The following ARMH3 variants were observed in gnomAD, a reference collection of about 807,000 sequenced individuals.
ARMH3 encodes armadillo-like helical domain-containing protein 3.
ARMH3 carries 60 observed loss-of-function variants against 99.1 expected under a neutral mutation model. That is an observed-to-expected ratio of 0.61 (90% confidence interval 0.49 to 0.75). ARMH3 has a LOEUF of 0.75. Among genes scored for constraint, ARMH3 ranks in the 30% least tolerant of loss-of-function variants. ARMH3 has a pLI of 0.00. For missense variants in ARMH3, 679 were observed against 843.1 expected (o/e 0.81, Z 2.41); for synonymous variants, 285 against 292.8 (o/e 0.97, Z 0.27).
chr10:102,021,704 C>A (rs918509568), intron 8 of ARMH3, among the ~76,000 whole-genome samples: 2 of 152,212 alleles, frequency 1.3e-5, no homozygotes, highest in Admixed American at 6.5e-5. Flanking sequence ...CCCGCCACTA[C>A]GCCCGGCTAA....
At chr10:101,980,541 C>T (rs1056875441) in intron 19 of ARMH3, among the ~76,000 whole-genome samples, 7 of 152,086 alleles carry the variant, frequency 4.6e-5, no homozygotes, top group East Asian at 3.9e-4. Context: ...TCAGGCGGTC[C>T]GCCCACCTCA....
At chr10:101,881,258 C>T (rs2067409019) in intron 24 of ARMH3, among the ~76,000 whole-genome samples, 1 of 152,158 alleles carries the variant, frequency 6.6e-6, no homozygotes, top group African/African-American at 2.4e-5. Flanking sequence ...AGGGTACCAG[C>T]AGAACACCTT....
intron 22 of ARMH3, among the ~76,000 whole-genome samples, chr10:101,942,307 C>T (rs183616244): frequency 4.3e-4 from 65 of 152,206 alleles, no homozygotes; most frequent in African/African-American, 1.5e-3. Flanking sequence ...ATGATTACAA[C>T]TCTGTAAAAC....
At chr10:101,968,538 T>C (rs1215398491) in intron 20 of ARMH3, among the ~76,000 whole-genome samples, 1 of 152,182 alleles carries the variant, frequency 6.6e-6, no homozygotes, top group Admixed American at 6.5e-5. Context: ...CCCTGGTCCC[T>C]TTTACTTGAC....
At chr10:101,891,912 C>T (rs2067701511) in intron 23 of ARMH3, among the ~76,000 whole-genome samples, 1 of 151,828 alleles carries the variant, frequency 6.6e-6, no homozygotes, top group African/African-American at 2.4e-5. Context: ...AGTTCAAGAT[C>T]AGCCTGGGTA....
intron 1 of ARMH3, among the ~76,000 whole-genome samples, chr10:102,041,088 ATAATATATATATATATATATATATG>A (rs910774524): frequency 7.5e-6 from 1 of 133,066 alleles, no homozygotes; most frequent in Non-Finnish European, 1.6e-5. Flanking sequence ...ATATATATAT[ATAATATATATATATATATATATATG>A]TAGGTAAAAC....
At position 101,846,482 on chromosome 10, in the gene ARMH3, G is replaced by C. The variant is rs1016457405; in HGVS notation, c.*1046C>G. 1 of 152,226 alleles carries C rather than the reference G, an allele frequency of 6.6e-6. No individual in the cohort carries two copies. The highest frequency in any genetic ancestry group is 6.5e-5 in the Admixed American group (1 of 15,284). The allele number at this position is 152,226 out of a possible 1,614,324, so 9.4% of individuals were successfully genotyped here. The stretch of plus-strand genomic sequence containing the variant: ...TACACACCCTAAAGACAGTAAAGCA[G>C]ATTAGAAATTAAAAGTTAAGGTGGT... On this transcript the variant is annotated 3_prime_UTR_variant, in exon 26 of 26. Transcript: ENST00000370033.
chr10:101,959,724 A>G (rs1316128593), intron 20 of ARMH3, among the ~76,000 whole-genome samples: 1 of 152,214 alleles, frequency 6.6e-6, no homozygotes, highest in Non-Finnish European at 1.5e-5. Flanking sequence ...CTGTGTCCCA[A>G]CTGCCACAGG....
chr10:101,901,863 A>C (rs1413934035), intron 23 of ARMH3, among the ~76,000 whole-genome samples: 1 of 152,258 alleles, frequency 6.6e-6, no homozygotes, highest in Non-Finnish European at 1.5e-5. Context: ...CGTTCTGCCT[A>C]AGTGAAGTTG....
At chr10:101,914,380 C>T (rs1209987526) in intron 23 of ARMH3, among the ~76,000 whole-genome samples, 10 of 148,820 alleles carry the variant, frequency 6.7e-5, no homozygotes, top group African/African-American at 2.0e-4. Context: ...CCCAGCTACT[C>T]GGGAGGCTGA....
At chr10:101,961,785 AAGTAGCAGT>A (rs1262389900) in intron 20 of ARMH3, among the ~76,000 whole-genome samples, 1 of 152,348 alleles carries the variant, frequency 6.6e-6, no homozygotes, top group East Asian at 1.9e-4. Context: ...ACACTCACAG[AAGTAGCAGT>A]ACATACAGGG....
intron 8 of ARMH3, 101 bp downstream of exon 8, chr10:102,023,376 T>G (rs530847394): frequency 9.5e-7 from 1 of 1,052,440 alleles, no homozygotes; most frequent in African/African-American, 1.6e-5. Context: ...AATATACCAT[T>G]TACCAAGAAC....
In ARMH3 at chr10:101,847,393, G is replaced by A. The variant is rs2066486192; in HGVS notation, c.*135C>T. ...CCTGCTGCCCAAGCTCCATTGAAGT[G>A]CGGTCTTCACCAAGAGAACTTGGTA... On this transcript the variant is annotated 3_prime_UTR_variant, in exon 26 of 26. Coordinates refer to ENST00000370033, the MANE Select transcript of ARMH3 (RefSeq NM_024541.3). The A allele has an allele frequency of 1.2e-6, 1 of 831,698 alleles. No individual in the cohort carries two copies. The highest frequency in any genetic ancestry group is 1.7e-5 in the African/African-American group (1 of 59,280). 51.5% of individuals were successfully genotyped at this position (831,698 alleles called of 1,614,324 possible). A position where few individuals can be genotyped will look rare whatever the true frequency, so the allele number is the denominator to read the frequency against.
chr10:101,921,656 A>G (rs1230015584), intron 23 of ARMH3, among the ~76,000 whole-genome samples: 1 of 152,230 alleles, frequency 6.6e-6, no homozygotes, highest in Non-Finnish European at 1.5e-5. Context: ...GGCCATAAAA[A>G]GGAATAAAAT....
At chr10:101,889,534 G>A (rs1179646808) in intron 23 of ARMH3, 44 bp from the exon 24 acceptor site, 3 of 1,515,284 alleles carry the variant, frequency 2.0e-6, no homozygotes, top group Non-Finnish European at 2.8e-6. Flanking sequence ...GATAGAAGAG[G>A]TGGATACATC....
chr10:101,902,531 A>C (rs896512910), intron 23 of ARMH3, among the ~76,000 whole-genome samples: 13 of 152,094 alleles, frequency 8.5e-5, no homozygotes, highest in African/African-American at 3.1e-4. Context: ...ATGATGTTGG[A>C]GGTCTCACAG....
At chr10:102,025,309 T>C in intron 5 of ARMH3, 61 bp from the exon 6 acceptor site, 1 of 1,383,698 alleles carries the variant, frequency 7.2e-7, no homozygotes, top group Non-Finnish European at 1.0e-6. Context: ...TTTGTCTAAC[T>C]CTGGGTTATG....
chr10:101,941,084 G>T (rs1027913617), intron 22 of ARMH3, among the ~76,000 whole-genome samples: 1 of 152,168 alleles, frequency 6.6e-6, no homozygotes, highest in Non-Finnish European at 1.5e-5. Context: ...AGACAAGTAC[G>T]GTAACTGATT....
intron 2 of ARMH3, among the ~76,000 whole-genome samples, chr10:102,035,343 C>A (rs1408799238): frequency 6.6e-6 from 1 of 152,150 alleles, no homozygotes; most frequent in South Asian, 2.1e-4. Context: ...CCGGCCTGGG[C>A]AACAGAGCGA....
Sources: allele counts gnomAD v4.1 joint callset (sites outside exome capture counted in the v4.1 genomes callset), GRCh38; gene constraint gnomAD v4.1.1; transcripts MANE v1.5; gene names NCBI Gene and HGNC (gene_info 2026-07-23, HGNC 2026-07-21).